Variants in MTA3 observed in about 807,000 individuals in gnomAD.
MTA3 encodes the protein metastasis-associated protein MTA3.
Under a neutral mutation model 83.5 loss-of-function variants are expected in MTA3, and 34 were observed. The observed-to-expected ratio is 0.41, with a 90% confidence interval of 0.31 to 0.54. MTA3 has a LOEUF of 0.54. MTA3 is among the 20% of genes least tolerant of loss of function. MTA3 has a pLI of 0.33. For synonymous variants in MTA3, 303 were observed against 252.7 expected (o/e 1.20, Z -1.89); for missense variants, 761 against 726.4 (o/e 1.05, Z -0.55).
At chr2:42,502,702 C>T (rs1259171933) in intron 2 of MTA3, among the ~76,000 whole-genome samples, 1 of 150,278 alleles carries the variant, frequency 6.7e-6, no homozygotes, top group Non-Finnish European at 1.5e-5. Flanking sequence ...GAGGCTGAGG[C>T]AGGAGAATCA....
chr2:42,620,860 A>G (rs2104187562), intron 4 of MTA3, among the ~76,000 whole-genome samples: 1 of 152,150 alleles, frequency 6.6e-6, no homozygotes, highest in East Asian at 1.9e-4. Context: ...TTCTTGGAAT[A>G]CCATTTTTAC....
Position 42,644,195 on chromosome 2 carries a change from C to G in MTA3, c.450C>G (p.Ile150Met), listed in dbSNP as rs769782836. ...CACTATTAGCTGACAAAGGTGAAAT[C>G]AGAGTGGGACCTAGATATCAAGCAG... Reference protein sequence around the residue: ...LKTLLADKGEIRVGPRYQADI... With the variant: ...LKTLLADKGEMRVGPRYQADI... The change falls in exon 6 of 17, where the codon ATC becomes ATG. Residue 150 changes from isoleucine to methionine, a missense_variant. Physicochemically the swap from Ile to Met is conservative, Grantham distance 10. Coordinates refer to ENST00000405094, the MANE Select transcript of MTA3 (RefSeq NM_001330442.2). 1.1e-5 allele frequency: 17 copies of G among 1,613,102 alleles called. No individual in the cohort carries two copies. Among genetic ancestry groups the G allele is most frequent in the Middle Eastern group, 1.7e-4 (1 of 6,054 alleles).
chr2:42,594,728 A>ATATATATATATATATATATTTTT, intron 3 of MTA3, among the ~76,000 whole-genome samples: 6 of 24,036 alleles, frequency 2.5e-4, no homozygotes, highest in East Asian at 1.2e-3. Context: ...ATATATATAT[A>ATATATATATATATATATATTTTT]TTTTTTTTTT....
intron 11 of MTA3, among the ~76,000 whole-genome samples, chr2:42,701,579 A>G (rs1302302313): frequency 6.6e-6 from 1 of 152,140 alleles, no homozygotes; most frequent in Non-Finnish European, 1.5e-5. Flanking sequence ...CCTGGGTGAC[A>G]GAGTGAGACC....
At chr2:42,714,973 G>A (rs1666923443) in intron 14 of MTA3, among the ~76,000 whole-genome samples, 1 of 152,218 alleles carries the variant, frequency 6.6e-6, no homozygotes. Flanking sequence ...GGGGCTTGGG[G>A]ACCCCTGCTC....
intron 16 of MTA3, among the ~76,000 whole-genome samples, chr2:42,730,547 C>T (rs1668166578): frequency 6.6e-6 from 1 of 152,170 alleles, no homozygotes; most frequent in Admixed American, 6.5e-5. Context: ...TGCTTGCATT[C>T]CTGGGATAAA....
chr2:42,514,297 C>A (rs1218606341), intron 2 of MTA3, among the ~76,000 whole-genome samples: 3 of 152,144 alleles, frequency 2.0e-5, no homozygotes, highest in Admixed American at 1.3e-4. Context: ...GAAAATTGTG[C>A]TTTGTTAGCT....
intron 6 of MTA3, among the ~76,000 whole-genome samples, chr2:42,647,870 C>T (rs1688360968): frequency 6.6e-6 from 1 of 152,036 alleles, no homozygotes; most frequent in African/African-American, 2.4e-5. Context: ...TGGAGTTTCG[C>T]TCTTGTTGCC....
At chr2:42,734,604 C>T (rs186304436) in intron 16 of MTA3, among the ~76,000 whole-genome samples, 36 of 149,514 alleles carry the variant, frequency 2.4e-4, no homozygotes, top group Admixed American at 1.9e-3. Context: ...TTTGTTTTCT[C>T]GTTATTTTGT....
chr2:42,611,041 G>A (rs987704270), intron 4 of MTA3, among the ~76,000 whole-genome samples: 1 of 149,852 alleles, frequency 6.7e-6, no homozygotes, highest in South Asian at 2.1e-4. Flanking sequence ...GAGTGCAGTG[G>A]CGCGATCTTG....
rs192158008 is a variant in MTA3 at position 42,497,521 on chromosome 2, G to A, written c.-141+2267G>A. Among the ~76,000 whole-genome samples the A allele has an allele frequency of 1.3e-3, 194 of 151,648 alleles. 1 individual carries two copies. The highest frequency in any genetic ancestry group is 3.4e-3 in the Middle Eastern group (1 of 294). On this transcript the variant is annotated intron_variant, in intron 2 of 17. Coordinates refer to the MTA3 transcript ENST00000405592. ...AATCGCTTGAACCCGGGAGGCAGAA[G>A]TTGCAGTGAGCCGAGATCGCTCCAC...
chr2:42,545,105 T>G (rs1310881299), intron 2 of MTA3, among the ~76,000 whole-genome samples: 2 of 152,138 alleles, frequency 1.3e-5, no homozygotes, highest in Admixed American at 6.6e-5. Flanking sequence ...CAACCAGGCG[T>G]GGTTGCTCAT....
intron 2 of MTA3, among the ~76,000 whole-genome samples, chr2:42,533,764 C>T (rs1676091249): frequency 1.4e-5 from 2 of 146,506 alleles, no homozygotes; most frequent in South Asian, 4.3e-4. Context: ...CCCAAGAGGC[C>T]GAGGGTGCAG....
chr2:42,563,806 TCC>T, upstream of MTA3, among the ~76,000 whole-genome samples: 1 of 146,974 alleles, frequency 6.8e-6, no homozygotes, highest in Non-Finnish European at 1.5e-5. Context: ...CTTCCTTCCT[TCC>T]TTCCTTCCTT....
rs370328081 is a variant in MTA3, at chr2:42,640,781, A to G, written c.381+545A>G. Among the ~76,000 whole-genome samples the G allele has an allele frequency of 7.9e-5, 12 of 152,342 alleles. No homozygotes were observed. In the East Asian group the frequency reaches 2.1e-3, roughly 27 times the overall value. On this transcript the variant is annotated intron_variant, in intron 5 of 16. Coordinates refer to ENST00000405094, the MANE Select transcript of MTA3 (RefSeq NM_001330442.2). ...ATAAGCAGAATATTCCATGGTATGC[A>G]TAGTTTTAGGTGACATTTAAAGCAA... is the stretch of plus-strand genomic sequence containing the variant.
chr2:42,633,755 G>T (rs554002871), intron 4 of MTA3, among the ~76,000 whole-genome samples: 6 of 151,944 alleles, frequency 3.9e-5, no homozygotes, highest in African/African-American at 1.2e-4. Flanking sequence ...TTAGCCGGCC[G>T]TGGTGGCGGG....
chr2:42,599,736 C>G (rs1279007763), intron 3 of MTA3, among the ~76,000 whole-genome samples: 1 of 151,966 alleles, frequency 6.6e-6, no homozygotes, highest in Non-Finnish European at 1.5e-5. Flanking sequence ...ATTTTATTTC[C>G]TGTTTTTGTT....
intron 2 of MTA3, among the ~76,000 whole-genome samples, chr2:42,547,199 G>C (rs1159839074): frequency 6.6e-6 from 1 of 152,234 alleles, no homozygotes; most frequent in African/African-American, 2.4e-5. Context: ...CAATCGGGCA[G>C]CCGGCAGAAT....
intron 2 of MTA3, among the ~76,000 whole-genome samples, chr2:42,499,027 G>A (rs1228775471): frequency 1.3e-5 from 2 of 152,138 alleles, no homozygotes; most frequent in African/African-American, 4.8e-5. Context: ...TGTTTACAGA[G>A]CTCTAATACA....
Sources: gnomAD v4.1 joint callset for allele counts (sites outside exome capture counted in the v4.1 genomes callset) on GRCh38, gnomAD v4.1.1 for gene constraint, MANE v1.5 for transcripts, NCBI Gene and HGNC (gene_info 2026-07-23, HGNC 2026-07-21) for gene names.